Variants in CCDC40 observed in about 807,000 individuals in gnomAD.
CCDC40 encodes coiled-coil domain-containing protein 40.
CCDC40 carries 104 observed loss-of-function variants against 124.5 expected under a neutral mutation model. The observed-to-expected ratio is 0.84, with a 90% CI of 0.71 to 0.98. The LOEUF (loss-of-function observed/expected upper bound fraction) is 0.98, where lower values mean the gene tolerates loss of function less well. CCDC40 is among the 50% of genes least tolerant of loss of function. CCDC40 has a pLI of 0.00. For synonymous variants in CCDC40, 580 were observed against 602.9 expected (o/e 0.96, Z 0.56); for missense variants, 1,463 against 1,503.9 (o/e 0.97, Z 0.45).
chr17:80,081,892 C>T lies in CCDC40; in HGVS notation c.1823C>T (p.Thr608Met), dbSNP rs752551759. ...TGTCTCCAGGAACAAATGATACTCA[C>T]GGAGGAGTTGCAGGCCATCCGCCAA... ...SQDQLEQMIL[T>M]EELQAIRQAI... The change falls in exon 12 of 20, where the codon ACG (threonine) becomes ATG (methionine). Residue 608 changes from threonine (T) to methionine (M), a missense_variant. Thr to Met is a moderately conservative substitution (Grantham distance 81). Transcript: ENST00000397545. 1.1e-5 allele frequency: 18 copies of T among 1,613,970 alleles called. No homozygotes were observed. The highest frequency in any genetic ancestry group is 5.5e-5 in the South Asian group (5 of 91,082).
intron 17 of CCDC40, chr17:80,090,920 A>G (rs539835178): frequency 1.6e-6 from 1 of 637,782 alleles, no homozygotes; most frequent in Non-Finnish European, 2.1e-6. Flanking sequence ...TTCATATTAC[A>G]GAAGCCACAT....
At position 80,048,959 on chromosome 17, in the gene CCDC40, C is replaced by G. The variant is rs28404913; in HGVS notation, c.855+198C>G. ...TCCTCTGAGGTTGGTATAGGTGAGG[C>G]CTGTGTTTCTCAACCCCGGAACCAC... is the stretch of plus-strand genomic sequence containing the variant. On this transcript the variant is annotated intron_variant, in intron 5 of 19. Coordinates refer to ENST00000397545, the MANE Select transcript of CCDC40 (RefSeq NM_017950.4). 0.32 allele frequency among the ~76,000 whole-genome samples: 48,562 copies of G among 152,000 alleles called. 10,534 individuals carry two copies. The highest frequency in any genetic ancestry group is 0.62 in the African/African-American group (25,780 of 41,418).
intron 17 of CCDC40, among the ~76,000 whole-genome samples, chr17:80,094,630 G>A (rs1293490690): frequency 6.6e-6 from 1 of 152,074 alleles, no homozygotes; most frequent in Non-Finnish European, 1.5e-5. Context: ...GGGAGGCGAA[G>A]GTTGCAGTGA....
At chr17:80,073,834 T>C (rs2038249918) in intron 10 of CCDC40, among the ~76,000 whole-genome samples, 1 of 152,138 alleles carries the variant, frequency 6.6e-6, no homozygotes, top group South Asian at 2.1e-4. Flanking sequence ...TGGCTGAGAT[T>C]GCAGGTGCCT....
chr17:80,050,693 C>G (rs898272840), intron 7 of CCDC40, among the ~76,000 whole-genome samples: 2 of 152,230 alleles, frequency 1.3e-5, no homozygotes, highest in Non-Finnish European at 2.9e-5. Context: ...ATTCGCCTGC[C>G]TCGGCCTCCC....
At chr17:80,097,635 G>T (rs535373108) in intron 19 of CCDC40, 3 of 573,860 alleles carry the variant, frequency 5.2e-6, no homozygotes, top group East Asian at 5.8e-5. Flanking sequence ...CATGTTCAGC[G>T]TGCGAGGGTT....
rs1368153985 is a variant in CCDC40 at position 80,090,236 on chromosome 17, C to A, written c.2832+352C>A. The A allele has an allele frequency of 5.7e-6, 5 of 872,146 alleles. 1 individual carries two copies. Among genetic ancestry groups the A allele is most frequent in the Admixed American group, 2.7e-5 (1 of 37,062 alleles). 54.0% of individuals were successfully genotyped at this position (872,146 alleles called of 1,614,324 possible). On this transcript the variant is annotated intron_variant, in intron 17 of 19. Coordinates refer to ENST00000397545, the MANE Select transcript of CCDC40 (RefSeq NM_017950.4). ...ACGAAGAACACGGGACGCGCGCAGG[C>A]ACGTGCACGAACAACACGGGACGCG... is the stretch of plus-strand genomic sequence containing the variant.
rs568850476 is a variant in CCDC40 at position 80,067,297 on chromosome 17, G to A, written c.1562+1691G>A. The A allele has an allele frequency of 5.9e-5, 32 of 541,270 alleles. No individual in the cohort carries two copies. In the South Asian group the frequency reaches 6.1e-4, roughly 10 times the overall value. 33.5% of individuals were successfully genotyped at this position (541,270 alleles called of 1,614,324 possible). On this transcript the variant is annotated intron_variant, in intron 10 of 19. Coordinates refer to ENST00000397545, the MANE Select transcript of CCDC40 (RefSeq NM_017950.4). ...TGCAAACATTGTAAAAATCGTATTC[G>A]ATCAGGTCTCCTCCTCCTCGGCCCG... is the stretch of plus-strand genomic sequence containing the variant.
intron 17 of CCDC40, among the ~76,000 whole-genome samples, chr17:80,091,338 C>G (rs62075580): frequency 0.71 from 103,685 of 145,094 alleles, 37,164 homozygotes; most frequent in Middle Eastern, 0.86. Context: ...CACACACACA[C>G]ACACAGAGAG....
In CCDC40 at chr17:80,063,055, C is replaced by T. The variant is rs148644324; in HGVS notation, c.1441-2430C>T. Among the ~76,000 whole-genome samples the T allele has an allele frequency of 1.1e-3, 171 of 152,176 alleles. 1 individual carries two copies. The highest frequency in any genetic ancestry group is 3.8e-3 in the African/African-American group (156 of 41,536). On this transcript the variant is annotated intron_variant, in intron 9 of 19. Transcript: ENST00000397545. ...ACTAAAAATTCAAAAATTAGCCAGG[C>T]GTGGTGGCGAGTGCCTATAATCGCA...
intron 10 of CCDC40, among the ~76,000 whole-genome samples, chr17:80,074,484 C>G (rs1598523469): frequency 6.6e-6 from 1 of 152,132 alleles, no homozygotes; most frequent in Non-Finnish European, 1.5e-5. Context: ...GACTCTGTCT[C>G]AAAAAAGAGA....
chr17:80,036,712 G>A (rs2037067508), intron 1 of CCDC40, 21 bp downstream of exon 1: 5 of 1,464,424 alleles, frequency 3.4e-6, no homozygotes, highest in Non-Finnish European at 4.5e-6. Flanking sequence ...CCGAGGGGCA[G>A]CGGGTCTTGG....
At chr17:80,070,043 A>G (rs1018372394) in intron 10 of CCDC40, among the ~76,000 whole-genome samples, 1 of 152,234 alleles carries the variant, frequency 6.6e-6, no homozygotes, top group Non-Finnish European at 1.5e-5. Flanking sequence ...AACAAGCCCC[A>G]GGCTCAGCTC....
At chr17:80,050,369 A>T in intron 7 of CCDC40, 86 bp downstream of exon 7, 1 of 1,102,584 alleles carries the variant, frequency 9.1e-7, no homozygotes, top group Non-Finnish European at 1.3e-6. Context: ...AGGCATCTAG[A>T]AAAGTAAGAT....
intron 10 of CCDC40, among the ~76,000 whole-genome samples, chr17:80,076,444 T>G (rs1340321252): frequency 3.3e-5 from 5 of 151,912 alleles, no homozygotes; most frequent in African/African-American, 1.2e-4. Flanking sequence ...TGTGGTGGTG[T>G]GCACTTGTAG....
chr17:80,090,598 C>T (rs947009406), intron 17 of CCDC40: 14 of 1,485,162 alleles, frequency 9.4e-6, no homozygotes, highest in Admixed American at 6.3e-5. Context: ...TCTAACGTAT[C>T]CCACTGTGAG....
chr17:80,068,877 G>C (rs189118510), intron 10 of CCDC40, among the ~76,000 whole-genome samples: 3 of 152,230 alleles, frequency 2.0e-5, no homozygotes, highest in Non-Finnish European at 4.4e-5. Context: ...TCTTATCTGT[G>C]GGGGAGGACA....
chr17:80,047,552 A>T, intron 4 of CCDC40, 150 bp downstream of exon 4: 1 of 760,038 alleles, frequency 1.3e-6, no homozygotes, highest in South Asian at 1.5e-5. Context: ...ACAGATATGG[A>T]TAACATTTAT....
rs776789135 is a variant in CCDC40 at position 80,089,652 on chromosome 17, G to A, written c.2712-112G>A. 43 of 1,323,084 alleles carry A rather than the reference G, an allele frequency of 3.2e-5. 1 individual carries two copies. The highest frequency in any genetic ancestry group is 2.6e-4 in the East Asian group (11 of 42,552). The allele number at this position is 1,323,084 out of a possible 1,614,324, so 82.0% of individuals were successfully genotyped here. A position where few individuals can be genotyped will look rare whatever the true frequency, so the allele number is the denominator to read the frequency against. On this transcript the variant is annotated intron_variant, in intron 16 of 19. Coordinates refer to ENST00000397545, the MANE Select transcript of CCDC40 (RefSeq NM_017950.4). ...GAGCCTCACGCTTTCTGTCGCAGCT[G>A]CTTGGCTCTGCCATTGCAGCTTGAG...
Sources: gnomAD v4.1 joint callset for allele counts (sites outside exome capture counted in the v4.1 genomes callset) on GRCh38, gnomAD v4.1.1 for gene constraint, MANE v1.5 for transcripts, NCBI Gene and HGNC (gene_info 2026-07-23, HGNC 2026-07-21) for gene names.